Variants in ATAD5 observed in about 807,000 individuals in gnomAD.
ATAD5 encodes the protein ATPase family AAA domain-containing protein 5.
Under a neutral mutation model 176.9 loss-of-function variants are expected in ATAD5, and 58 were observed. The observed-to-expected ratio is 0.33, with a 90% CI of 0.27 to 0.41. The LOEUF (loss-of-function observed/expected upper bound fraction) is 0.41, where lower values mean the gene tolerates loss of function less well. Ranked by LOEUF, ATAD5 falls within the 10% of genes least tolerant of loss-of-function variation. The pLI is 1.00. For synonymous variants in ATAD5, 640 were observed against 712.6 expected, an observed-to-expected ratio of 0.90 and a Z score of 1.62; for missense variants, 1,789 against 2,094.1, an observed-to-expected ratio of 0.85 and a Z score of 2.84.
At position 30,894,059 on chromosome 17, in the gene ATAD5, A is replaced by C. The variant is rs766918539; in HGVS notation, c.5206A>C (p.Lys1736Gln). The stretch of plus-strand genomic sequence containing the variant: ...ATTGGAAACCTTGAATTCTTGCAAG[A>C]AATTAGGAAGAGATCCAACCAACGA... ...KALETLNSCK[K>Q]LGRDPTNDLT... is the part of the protein sequence containing the mutation. Residue 1736 changes from lysine (K) to glutamine (Q), a missense_variant, in exon 21 of 23, where the codon AAA (lysine) becomes CAA (glutamine). Around this residue, in one of 6 missense-constraint regions of ATAD5, gnomAD observed 403 missense variants for 495.1 expected, o/e 0.81. Transcript: ENST00000321990. 3 of 1,611,850 alleles carry C rather than the reference A, an allele frequency of 1.9e-6. No homozygotes were observed. In the East Asian group the frequency reaches 6.7e-5, roughly 36 times the overall value.
intron 10 of ATAD5, among the ~76,000 whole-genome samples, chr17:30,863,567 C>T (rs1231789427): frequency 1.3e-5 from 2 of 151,044 alleles, no homozygotes; most frequent in Non-Finnish European, 2.9e-5. Flanking sequence ...GGGGTTTCAC[C>T]GTGTTAGCCA....
In ATAD5 at chr17:30,844,900, A is replaced by G. The variant is rs748910945; in HGVS notation, c.2434A>G (p.Ser812Gly). The G allele has an allele frequency of 2.5e-6, 4 of 1,583,526 alleles. No individual in the cohort carries two copies. The South Asian group carries it at 3.5e-5, about 14-fold the overall frequency. The change falls in exon 6 of 23, where the codon AGT becomes GGT. Residue 812 changes from serine (S) to glycine (G), a missense_variant. Physicochemically the swap from Ser to Gly is moderately conservative, Grantham distance 56. Coordinates refer to ENST00000321990, the MANE Select transcript of ATAD5 (RefSeq NM_024857.5). Reference protein sequence around the residue: ...KAQKAADPVPSFDESSQDTSE... With the variant: ...KAQKAADPVPGFDESSQDTSE... ...ACAAAAAGCAGCTGATCCTGTCCCTAGTTTTGATGAAAGCAGGTCAGTCCA... is the reference window on the plus strand; with the variant it reads ...ACAAAAAGCAGCTGATCCTGTCCCTGGTTTTGATGAAAGCAGGTCAGTCCA...
intron 20 of ATAD5, among the ~76,000 whole-genome samples, 156 bp downstream of exon 20, chr17:30,892,944 C>T (rs980562850): frequency 5.9e-5 from 9 of 152,128 alleles, no homozygotes; most frequent in Admixed American, 5.2e-4. Flanking sequence ...ACCACTTTGA[C>T]AAATGGTGCA....
intron 7 of ATAD5, among the ~76,000 whole-genome samples, chr17:30,855,529 T>A (rs973289623): frequency 3.3e-5 from 5 of 152,064 alleles, no homozygotes; most frequent in Non-Finnish European, 7.4e-5. Context: ...TCATGGATGC[T>A]CAAGTTTCTT....
chr17:30,841,172 G>T (rs1181600314), intron 4 of ATAD5, among the ~76,000 whole-genome samples: 1 of 152,030 alleles, frequency 6.6e-6, no homozygotes. Flanking sequence ...ACCATGCCCG[G>T]CCAGTTTTGT....
At chr17:30,889,886 C>CTTTTTTTTTTTTTT (rs60266614) in intron 19 of ATAD5, among the ~76,000 whole-genome samples, 171 of 95,682 alleles carry the variant, frequency 1.8e-3, no homozygotes, top group Middle Eastern at 6.8e-3. Context: ...TCTTTTCTTT[C>CTTTTTTTTTTTTTT]TTTTTTTTTT....
chr17:30,839,599 G>A (rs1485421891), intron 3 of ATAD5, among the ~76,000 whole-genome samples: 1 of 119,700 alleles, frequency 8.4e-6, no homozygotes, highest in East Asian at 2.5e-4. Flanking sequence ...TTTTTTTTGA[G>A]ATGGAGTTTC....
At chr17:30,867,149 C>T (rs1908047714) in intron 11 of ATAD5, among the ~76,000 whole-genome samples, 1 of 151,542 alleles carries the variant, frequency 6.6e-6, no homozygotes, top group East Asian at 1.9e-4. Context: ...CCTGTAATCC[C>T]AGTGCTTTCG....
chr17:30,840,402 G>A (rs1906033941), intron 3 of ATAD5, among the ~76,000 whole-genome samples: 1 of 151,952 alleles, frequency 6.6e-6, no homozygotes, highest in Non-Finnish European at 1.5e-5. Flanking sequence ...TGGGTGTTTT[G>A]CTCACATGTA....
chr17:30,832,656 T>C (rs1286202267), intron 1 of ATAD5, among the ~76,000 whole-genome samples: 1 of 152,070 alleles, frequency 6.6e-6, no homozygotes, highest in Non-Finnish European at 1.5e-5. Context: ...GGACTTAAGA[T>C]AACACGGCCA....
chr17:30,868,718 G>T (rs1908151928), intron 12 of ATAD5, among the ~76,000 whole-genome samples: 1 of 151,530 alleles, frequency 6.6e-6, no homozygotes, highest in African/African-American at 2.4e-5. Context: ...TCTTGGCCAG[G>T]CTGGTCTTGA....
At chr17:30,892,819 A>C in intron 20 of ATAD5, 31 bp downstream of exon 20, 1 of 1,465,472 alleles carries the variant, frequency 6.8e-7, no homozygotes, top group East Asian at 2.3e-5. Context: ...GCAATGTTGA[A>C]TTTATATTCC....
chr17:30,879,754 G>A (rs1217717072), intron 18 of ATAD5, among the ~76,000 whole-genome samples: 1 of 151,974 alleles, frequency 6.6e-6, no homozygotes, highest in East Asian at 1.9e-4. Flanking sequence ...AGTAGAGACG[G>A]AGTTTCACCA....
intron 4 of ATAD5, 69 bp downstream of exon 4, chr17:30,840,850 C>T (rs2142316306): frequency 6.9e-7 from 1 of 1,440,614 alleles, no homozygotes; most frequent in East Asian, 2.4e-5. Flanking sequence ...GAGAAGGAAA[C>T]CATTATAAAG....
intron 11 of ATAD5, among the ~76,000 whole-genome samples, chr17:30,866,879 T>C (rs1908021123): frequency 6.6e-6 from 1 of 152,062 alleles, no homozygotes; most frequent in Non-Finnish European, 1.5e-5. Context: ...CTAGACCCCA[T>C]TAGGGGTATT....
chr17:30,880,477 G>A (rs1050925451), intron 18 of ATAD5, among the ~76,000 whole-genome samples: 33 of 151,486 alleles, frequency 2.2e-4, no homozygotes, highest in Admixed American at 1.4e-3. Flanking sequence ...GCGTGGTGGC[G>A]CATGCCTGTA....
In ATAD5 at chr17:30,876,449, C is replaced by T. The variant is rs776832822; in HGVS notation, c.3683C>T (p.Pro1228Leu). ...CCACCATCACCAAAAAGTAGTGGACCAAAGCGAGCACTTCCTCCCAAAACC... is the reference window on the plus strand; with the variant it reads ...CCACCATCACCAAAAAGTAGTGGACTAAAGCGAGCACTTCCTCCCAAAACC... ...VPPPSPKSSG[P>L]KRALPPKTLA... The change falls in exon 15 of 23, where the codon CCA becomes CTA. Residue 1228 changes from proline to leucine, a missense_variant. Coordinates refer to ENST00000321990, the MANE Select transcript of ATAD5 (RefSeq NM_024857.5). 1.2e-6 allele frequency: 2 copies of T among 1,608,640 alleles called. No homozygotes were observed. Among genetic ancestry groups the T allele is most frequent in the Non-Finnish European group, 1.7e-6 (2 of 1,176,828 alleles).
chr17:30,846,396 G>GTTTTTTTTTTT (rs11324585), intron 6 of ATAD5, among the ~76,000 whole-genome samples: 1 of 143,272 alleles, frequency 7.0e-6, no homozygotes, highest in African/African-American at 2.6e-5. Flanking sequence ...AGAGTTTGAG[G>GTTTTTTTTTTT]TTTTTTTTTT....
intron 7 of ATAD5, 83 bp from the exon 8 acceptor site, chr17:30,856,872 T>C: frequency 7.6e-7 from 1 of 1,309,824 alleles, no homozygotes; most frequent in Non-Finnish European, 1.0e-6. Flanking sequence ...AGTTGTCAAC[T>C]TTTCATGTTT....
Sources: gnomAD v4.1 joint callset for allele counts (sites outside exome capture counted in the v4.1 genomes callset) on GRCh38, gnomAD v4.1.1 for gene constraint, gnomAD v4.1.1 regional missense constraint, MANE v1.5 for transcripts, NCBI Gene and HGNC (gene_info 2026-07-23, HGNC 2026-07-21) for gene names.